The following SHROOM3 variants were observed in gnomAD, a reference collection of about 807,000 sequenced individuals.
SHROOM3 encodes the protein shroom family member 3, also known as protein Shroom3.
Under a neutral mutation model 138.6 loss-of-function variants are expected in SHROOM3, and 47 were observed. The ratio of observed to expected loss-of-function variants is 0.34; its 90% CI spans 0.27 to 0.43. SHROOM3 has a LOEUF of 0.43. Ranked by LOEUF, SHROOM3 falls within the 20% of genes least tolerant of loss-of-function variation. The pLI is 1.00. For missense variants in SHROOM3, 2,491 were observed against 2,596.5 expected, an observed-to-expected ratio of 0.96 and a Z score of 0.88; for synonymous variants, 1,062 against 1,063.3, an observed-to-expected ratio of 1.00 and a Z score of 0.02.
At chr4:76,601,821 T>C (rs1179999697) in intron 2 of SHROOM3, among the ~76,000 whole-genome samples, 1 of 152,222 alleles carries the variant, frequency 6.6e-6, no homozygotes, top group East Asian at 1.9e-4. Context: ...TCCTCTACTT[T>C]CTTATAGGTT....
chr4:76,509,327 C>T (rs1732283583), intron 1 of SHROOM3: 2 of 152,180 alleles, frequency 1.3e-5, no homozygotes. Flanking sequence ...TACAGCTGGC[C>T]TCTTGGCCTC....
intron 2 of SHROOM3, among the ~76,000 whole-genome samples, chr4:76,656,573 T>A (rs955460325): frequency 2.6e-5 from 4 of 152,224 alleles, no homozygotes; most frequent in Non-Finnish European, 5.9e-5. Context: ...CTTACTCGAC[T>A]GTAATATAAT....
chr4:76,558,218 C>T (rs531623309), intron 2 of SHROOM3, among the ~76,000 whole-genome samples: 2 of 152,320 alleles, frequency 1.3e-5, no homozygotes, highest in South Asian at 4.1e-4. Context: ...ATTTGAATTA[C>T]TTCTTCTAGT....
At chr4:76,571,555 C>G (rs1733833066) in intron 2 of SHROOM3, among the ~76,000 whole-genome samples, 1 of 152,084 alleles carries the variant, frequency 6.6e-6, no homozygotes, top group Admixed American at 6.5e-5. Context: ...ATGGGAGAAA[C>G]AATACTGCAA....
At chr4:76,466,129 G>T (rs1338721936) in intron 1 of SHROOM3, among the ~76,000 whole-genome samples, 2 of 152,102 alleles carry the variant, frequency 1.3e-5, no homozygotes, top group Non-Finnish European at 2.9e-5. Flanking sequence ...TGTAGGGTTG[G>T]TGTGATGTTC....
At chr4:76,453,007 C>T (rs557209354) in intron 1 of SHROOM3, among the ~76,000 whole-genome samples, 3 of 152,120 alleles carry the variant, frequency 2.0e-5, no homozygotes, top group South Asian at 2.1e-4. Flanking sequence ...CGTGAGCCAC[C>T]GTGCCCAGCC....
intron 3 of SHROOM3, among the ~76,000 whole-genome samples, chr4:76,724,577 A>G (rs1304071222): frequency 6.6e-6 from 1 of 152,218 alleles, no homozygotes; most frequent in Non-Finnish European, 1.5e-5. Context: ...TACAGTGAAA[A>G]TAAGTTTTCC....
intron 1 of SHROOM3, among the ~76,000 whole-genome samples, chr4:76,509,083 A>G (rs1233269585): frequency 6.6e-6 from 1 of 152,230 alleles, no homozygotes; most frequent in East Asian, 1.9e-4. Flanking sequence ...ACTGACTATT[A>G]GATCCTAACA....
Position 76,782,761 on chromosome 4 carries a change from A to G in SHROOM3, c.*3584A>G, listed in dbSNP as rs964445146. The G allele has an allele frequency of 1.7e-4, 26 of 152,206 alleles. No homozygotes were observed. Among genetic ancestry groups the G allele is most frequent in the African/African-American group, 5.8e-4 (24 of 41,442 alleles). The allele number at this position is 152,206 out of a possible 1,614,324, so 9.4% of individuals were successfully genotyped here. A position where few individuals can be genotyped will look rare whatever the true frequency, so the allele number is the denominator to read the frequency against. ...ACTTCATTTCCTACAAGGTATAAAA[A>G]GTGGTCAAGTGAATGTGAAGGGGCT... On this transcript the variant is annotated 3_prime_UTR_variant, in exon 11 of 11. Coordinates refer to ENST00000296043, the MANE Select transcript of SHROOM3 (RefSeq NM_020859.4).
chr4:76,504,664 C>G (rs1338622439), intron 1 of SHROOM3, among the ~76,000 whole-genome samples: 1 of 152,172 alleles, frequency 6.6e-6, no homozygotes, highest in African/African-American at 2.4e-5. Flanking sequence ...ATTACACATT[C>G]TATAATCCCC....
chr4:76,706,467 A>G lies in SHROOM3; in HGVS notation c.324-3689A>G, dbSNP rs1464504048. 5.3e-5 allele frequency among the ~76,000 whole-genome samples: 8 copies of G among 152,308 alleles called. No homozygotes were observed. The East Asian group carries it at 1.2e-3, about 22-fold the overall frequency. ...ATAAGGAAGAGAAAATACGTTTACT[A>G]TTCATTAATCAAAAGTGGATCATCA... On this transcript the variant is annotated intron_variant, in intron 2 of 10. Transcript: ENST00000296043.
intron 2 of SHROOM3, among the ~76,000 whole-genome samples, chr4:76,647,651 T>C (rs1308561434): frequency 6.6e-6 from 1 of 152,142 alleles, no homozygotes; most frequent in African/African-American, 2.4e-5. Flanking sequence ...TCCCAGCACT[T>C]TGAGAGGCCA....
intron 2 of SHROOM3, among the ~76,000 whole-genome samples, chr4:76,563,681 G>T (rs375760793): frequency 6.6e-6 from 1 of 152,142 alleles, no homozygotes; most frequent in Admixed American, 6.5e-5. Flanking sequence ...CTATCAAGTG[G>T]GCAGGCAGTG....
chr4:76,655,645 C>T (rs1323526405), intron 2 of SHROOM3, among the ~76,000 whole-genome samples: 10 of 152,168 alleles, frequency 6.6e-5, no homozygotes, highest in Admixed American at 1.3e-4. Context: ...AAACAAGATA[C>T]AACACTGTAG....
intron 6 of SHROOM3, among the ~76,000 whole-genome samples, chr4:76,751,461 G>C (rs903804153): frequency 1.3e-5 from 2 of 152,178 alleles, no homozygotes; most frequent in Non-Finnish European, 2.9e-5. Flanking sequence ...AGTTTTATGA[G>C]AGTTTGATGC....
chr4:76,619,978 C>T (rs1241116356), intron 2 of SHROOM3, among the ~76,000 whole-genome samples: 1 of 145,580 alleles, frequency 6.9e-6, no homozygotes, highest in South Asian at 2.2e-4. Flanking sequence ...AGGAGAATTA[C>T]TTGAACCTGG....
intron 5 of SHROOM3, among the ~76,000 whole-genome samples, chr4:76,743,414 T>C (rs1004367425): frequency 1.3e-5 from 2 of 152,222 alleles, no homozygotes; most frequent in African/African-American, 4.8e-5. Context: ...AAAGTCATCA[T>C]GGAAATCAGT....
At chr4:76,544,050 A>G (rs1210550548) in intron 1 of SHROOM3, among the ~76,000 whole-genome samples, 1 of 152,160 alleles carries the variant, frequency 6.6e-6, no homozygotes, top group Non-Finnish European at 1.5e-5. Flanking sequence ...CTGTTTTTAT[A>G]TTATGCACCC....
At chr4:76,662,450 A>G (rs2110093791) in intron 2 of SHROOM3, among the ~76,000 whole-genome samples, 1 of 152,298 alleles carries the variant, frequency 6.6e-6, no homozygotes, top group East Asian at 1.9e-4. Context: ...TTCTACTGCC[A>G]GGCAGAGAAT....
Sources: gnomAD v4.1 joint callset for allele counts (sites outside exome capture counted in the v4.1 genomes callset) on GRCh38, gnomAD v4.1.1 for gene constraint, MANE v1.5 for transcripts, NCBI Gene and HGNC (gene_info 2026-07-23, HGNC 2026-07-21) for gene names.